VAV3: variants seen among roughly 807,000 people sequenced by gnomAD.
The protein encoded by VAV3 is vav guanine nucleotide exchange factor 3.
VAV3 carries 94 observed loss-of-function variants against 131.2 expected under a neutral mutation model. The observed-to-expected ratio is 0.72, with a 90% CI of 0.61 to 0.85. The LOEUF (loss-of-function observed/expected upper bound fraction) is 0.85, where lower values mean the gene tolerates loss of function less well. Ranked by LOEUF, VAV3 falls within the 40% of genes least tolerant of loss-of-function variation. VAV3 has a pLI of 0.00. For synonymous variants in VAV3, 349 were observed against 342.0 expected (o/e 1.02, Z -0.22); for missense variants, 939 against 1,002.7 (o/e 0.94, Z 0.86).
At chr1:107,617,275 C>T (rs569573474) in intron 21 of VAV3, among the ~76,000 whole-genome samples, 59 of 152,192 alleles carry the variant, frequency 3.9e-4, no homozygotes, top group Non-Finnish European at 6.9e-4. Context: ...AAAGGGGAAA[C>T]CTGTACAATG....
chr1:107,813,037 G>T (rs955915714), intron 2 of VAV3, among the ~76,000 whole-genome samples: 23 of 151,602 alleles, frequency 1.5e-4, no homozygotes, highest in African/African-American at 5.6e-4. Flanking sequence ...GCAGGAGAAT[G>T]GCATGAACCC....
At chr1:107,641,202 G>A (rs1387919993) in intron 20 of VAV3, among the ~76,000 whole-genome samples, 1 of 152,156 alleles carries the variant, frequency 6.6e-6, no homozygotes, top group African/African-American at 2.4e-5. Flanking sequence ...GGTGGTTAGA[G>A]ACAAACGTTC....
chr1:107,634,818 G>A (rs1654786202), intron 20 of VAV3, among the ~76,000 whole-genome samples: 1 of 152,044 alleles, frequency 6.6e-6, no homozygotes, highest in Admixed American at 6.6e-5. Flanking sequence ...CAAAGGATAT[G>A]AACAGACACT....
chr1:107,941,647 A>T (rs1674001896), intron 1 of VAV3, among the ~76,000 whole-genome samples: 2 of 152,020 alleles, frequency 1.3e-5, no homozygotes, highest in African/African-American at 4.8e-5. Context: ...CTCATGTTAA[A>T]TTTTCATACA....
At chr1:107,737,820 A>G (rs965114738) in intron 15 of VAV3, among the ~76,000 whole-genome samples, 2 of 152,246 alleles carry the variant, frequency 1.3e-5, no homozygotes, top group Non-Finnish European at 2.9e-5. Flanking sequence ...ATCTAGAACT[A>G]GAAATACCAT....
intron 2 of VAV3, among the ~76,000 whole-genome samples, chr1:107,787,897 C>T (rs900462699): frequency 6.6e-6 from 1 of 152,048 alleles, no homozygotes; most frequent in African/African-American, 2.4e-5. Context: ...CTGAAGACCC[C>T]AAACAGAGCA....
chr1:107,672,329 C>G (rs941445354), intron 19 of VAV3: 4 of 148,344 alleles, frequency 2.7e-5, no homozygotes, highest in African/African-American at 9.9e-5. Context: ...TAATGTAAAT[C>G]CTGAAAAACA....
chr1:107,772,630 C>A, intron 5 of VAV3, 105 bp downstream of exon 5: 1 of 932,226 alleles, frequency 1.1e-6, no homozygotes, highest in Non-Finnish European at 1.6e-6. Context: ...TATAAGCAAG[C>A]AAAGGTTAAA....
chr1:107,741,241 G>A (rs1663003411), intron 15 of VAV3, among the ~76,000 whole-genome samples: 1 of 152,112 alleles, frequency 6.6e-6, no homozygotes, highest in African/African-American at 2.4e-5. Flanking sequence ...TAGAAACATG[G>A]GTCTTTCAAA....
chr1:107,634,059 T>C (rs1570652796), intron 20 of VAV3, among the ~76,000 whole-genome samples: 1 of 152,172 alleles, frequency 6.6e-6, no homozygotes, highest in African/African-American at 2.4e-5. Flanking sequence ...TGGTAATTTA[T>C]AGATTCAATG....
chr1:107,938,497 G>A (rs1673832754), intron 1 of VAV3, among the ~76,000 whole-genome samples: 1 of 152,184 alleles, frequency 6.6e-6, no homozygotes, highest in African/African-American at 2.4e-5. Context: ...CTGTAGATAA[G>A]AAAGGGGCAG....
At chr1:107,638,552 A>C (rs1409876370) in intron 20 of VAV3, among the ~76,000 whole-genome samples, 1 of 152,204 alleles carries the variant, frequency 6.6e-6, no homozygotes, top group Non-Finnish European at 1.5e-5. Context: ...TGAGGAGTAT[A>C]GTATGTTCAG....
At chr1:107,907,892 A>G (rs1168786920) in intron 1 of VAV3, among the ~76,000 whole-genome samples, 1 of 152,216 alleles carries the variant, frequency 6.6e-6, no homozygotes, top group Non-Finnish European at 1.5e-5. Flanking sequence ...AAACATAGAC[A>G]GTAACAGAGT....
At chr1:107,950,000 T>C (rs1674456838) in intron 1 of VAV3, among the ~76,000 whole-genome samples, 1 of 152,130 alleles carries the variant, frequency 6.6e-6, no homozygotes, top group Non-Finnish European at 1.5e-5. Context: ...AATAAGCAGA[T>C]GCTGTGAGCT....
intron 19 of VAV3, chr1:107,672,354 T>A (rs1234916931): frequency 6.6e-6 from 1 of 151,828 alleles, no homozygotes; most frequent in Admixed American, 6.6e-5. Flanking sequence ...AATGTACATT[T>A]GGAATTAGTC....
chr1:107,654,722 A>T (rs1001074894), intron 19 of VAV3, among the ~76,000 whole-genome samples: 19 of 152,010 alleles, frequency 1.2e-4, no homozygotes, highest in Non-Finnish European at 1.0e-4. Flanking sequence ...AAATTATATT[A>T]TGGTTTTCAC....
intron 15 of VAV3, among the ~76,000 whole-genome samples, chr1:107,741,700 A>T (rs2102021122): frequency 6.6e-6 from 1 of 152,372 alleles, no homozygotes; most frequent in Middle Eastern, 3.4e-3. Context: ...ACATGGACAG[A>T]GAGAGAAATA....
chr1:107,689,770 AACGT>A (rs935199672), intron 17 of VAV3, among the ~76,000 whole-genome samples: 3 of 152,182 alleles, frequency 2.0e-5, no homozygotes, highest in Non-Finnish European at 4.4e-5. Flanking sequence ...GGAAACACAT[AACGT>A]TTCAGAAGAA....
intron 2 of VAV3, chr1:107,820,957 TAA>T (rs1249055936): frequency 1.3e-5 from 2 of 152,130 alleles, no homozygotes; most frequent in Middle Eastern, 3.2e-3. Flanking sequence ...ACTGAAGGTA[TAA>T]AAAGGCAGCT....
Sources: allele counts gnomAD v4.1 joint callset (sites outside exome capture counted in the v4.1 genomes callset), GRCh38; gene constraint gnomAD v4.1.1; transcripts MANE v1.5; gene names NCBI Gene and HGNC (gene_info 2026-07-23, HGNC 2026-07-21).